CDH18: variants seen among roughly 807,000 people sequenced by gnomAD.
The protein encoded by CDH18 is cadherin 18, also known as cadherin-18.
A neutral mutation model predicts 67.9 loss-of-function variants in CDH18; 31 were observed. That is an observed-to-expected ratio of 0.46 (90% CI 0.34 to 0.62). The LOEUF (loss-of-function observed/expected upper bound fraction) is 0.62, where lower values mean the gene tolerates loss of function less well. Ranked by LOEUF, CDH18 falls within the 20% of genes least tolerant of loss-of-function variation. CDH18 has a pLI of 0.01. For synonymous variants in CDH18, 362 were observed against 347.2 expected, an observed-to-expected ratio of 1.04 and a Z score of -0.48; for missense variants, 890 against 975.5, an observed-to-expected ratio of 0.91 and a Z score of 1.17.
At chr5:19,699,452 A>C (rs181158594) in intron 5 of CDH18, among the ~76,000 whole-genome samples, 183 of 152,238 alleles carry the variant, frequency 1.2e-3, no homozygotes, top group African/African-American at 4.1e-3. Context: ...TTGTTTCCCC[A>C]AAAATTTTAT....
At position 20,490,942 on chromosome 5, in the gene CDH18, A is replaced by G. The variant is rs1753549430; in HGVS notation, c.-580+84520T>C. ...ATACAAAACATTAAATGATGGGGGTATCCTTAACATTTTAAGTCCATTTAA... is the reference window on the plus strand; with the variant it reads ...ATACAAAACATTAAATGATGGGGGTGTCCTTAACATTTTAAGTCCATTTAA... On this transcript the variant is annotated intron_variant, in intron 1 of 14. Coordinates refer to the CDH18 transcript ENST00000507958. 5.9e-5 allele frequency among the ~76,000 whole-genome samples: 9 copies of G among 152,264 alleles called. No homozygotes were observed. In the South Asian group the frequency reaches 1.9e-3, roughly 32 times the overall value.
intron 3 of CDH18, among the ~76,000 whole-genome samples, chr5:19,816,578 C>G (rs1457910104): frequency 6.6e-6 from 1 of 151,770 alleles, no homozygotes. Context: ...ACCTTCACCT[C>G]TAGAATATTT....
At chr5:19,903,541 G>GTGTATATATATATATATATATA (rs374931710) in intron 2 of CDH18, among the ~76,000 whole-genome samples, 17 of 124,762 alleles carry the variant, frequency 1.4e-4, no homozygotes, top group African/African-American at 3.4e-4. Flanking sequence ...GTGTGTGTGT[G>GTGTATATATATATATATATATA]TATATATATA....
intron 12 of CDH18, among the ~76,000 whole-genome samples, chr5:19,480,062 A>G (rs1739145560): frequency 6.6e-6 from 1 of 152,118 alleles, no homozygotes; most frequent in Admixed American, 6.5e-5. Flanking sequence ...TTAGTAAACA[A>G]AAATAGTTTT....
chr5:19,680,522 C>T (rs749848588), intron 5 of CDH18, among the ~76,000 whole-genome samples: 1 of 151,776 alleles, frequency 6.6e-6, no homozygotes, highest in African/African-American at 2.4e-5. Flanking sequence ...GCAAACTGTG[C>T]ATCTAATAAA....
chr5:19,581,546 T>TA (rs1743259386), intron 7 of CDH18, among the ~76,000 whole-genome samples: 1 of 151,994 alleles, frequency 6.6e-6, no homozygotes, highest in South Asian at 2.1e-4. Flanking sequence ...CAATTATTCT[T>TA]AGAGTTTAGA....
In CDH18 at chr5:19,801,021, G is replaced by A. The variant is rs1216384435; in HGVS notation, c.228+37738C>T. ...CAGTCCCAGCTACTCAGGAGGCTGAGGCAGGAGAATTGCCTCACTGCTTGA... is the reference window on the plus strand; with the variant it reads ...CAGTCCCAGCTACTCAGGAGGCTGAAGCAGGAGAATTGCCTCACTGCTTGA... On this transcript the variant is annotated intron_variant, in intron 3 of 12. Coordinates refer to ENST00000382275, the MANE Select transcript of CDH18 (RefSeq NM_004934.5). Among the ~76,000 whole-genome samples, 3 of 152,022 alleles carry A rather than the reference G, an allele frequency of 2.0e-5. No individual in the cohort carries two copies. The East Asian group carries it at 5.8e-4, about 29-fold the overall frequency.
chr5:20,184,391 C>A (rs1158347178), intron 2 of CDH18, among the ~76,000 whole-genome samples: 1 of 152,082 alleles, frequency 6.6e-6, no homozygotes, highest in Non-Finnish European at 1.5e-5. Context: ...CAATGCAGCT[C>A]TGAAAATCTC....
chr5:19,610,765 C>T (rs1215569292), intron 6 of CDH18, among the ~76,000 whole-genome samples: 1 of 152,018 alleles, frequency 6.6e-6, no homozygotes, highest in Non-Finnish European at 1.5e-5. Flanking sequence ...ACATTTACCT[C>T]ATGTATATGC....
chr5:19,497,380 A>G (rs1742521167), intron 11 of CDH18, among the ~76,000 whole-genome samples: 1 of 152,198 alleles, frequency 6.6e-6, no homozygotes, highest in Non-Finnish European at 1.5e-5. Flanking sequence ...TAAGCAGTTC[A>G]TTAGCTCCAT....
chr5:20,074,380 A>G (rs2150530043), intron 2 of CDH18, among the ~76,000 whole-genome samples: 1 of 152,272 alleles, frequency 6.6e-6, no homozygotes, highest in South Asian at 2.1e-4. Flanking sequence ...AAACTGATTT[A>G]GCTCACTATT....
chr5:20,143,336 T>C (rs143582064), intron 2 of CDH18, among the ~76,000 whole-genome samples: 43 of 152,240 alleles, frequency 2.8e-4, no homozygotes, highest in African/African-American at 1.0e-3. Flanking sequence ...AAAAGTGGCA[T>C]ATTTAGATGA....
intron 9 of CDH18, among the ~76,000 whole-genome samples, chr5:19,535,508 T>C (rs187975014): frequency 1.3e-5 from 2 of 152,280 alleles, no homozygotes; most frequent in African/African-American, 4.8e-5. Context: ...ATGCAGCTGC[T>C]AACCAAAAAT....
chr5:19,921,065 G>A (rs377468236), intron 2 of CDH18, among the ~76,000 whole-genome samples: 18 of 152,030 alleles, frequency 1.2e-4, no homozygotes, highest in African/African-American at 4.3e-4. Context: ...ACCATGATAT[G>A]AAAATAAATT....
chr5:20,363,443 C>T (rs62352795), intron 1 of CDH18, among the ~76,000 whole-genome samples: 62,006 of 147,154 alleles, frequency 0.42, 14,965 homozygotes, highest in Middle Eastern at 0.61. Context: ...TGAAACTGCA[C>T]CCAGCCTGGG....
At chr5:20,436,012 G>A (rs1749139215) in intron 1 of CDH18, among the ~76,000 whole-genome samples, 1 of 151,872 alleles carries the variant, frequency 6.6e-6, no homozygotes, top group Admixed American at 6.6e-5. Flanking sequence ...ATACATAGAA[G>A]CCATATGATC....
intron 2 of CDH18, among the ~76,000 whole-genome samples, chr5:20,151,861 C>T (rs1424021410): frequency 6.6e-6 from 1 of 151,704 alleles, no homozygotes; most frequent in African/African-American, 2.4e-5. Context: ...TATAATGTAT[C>T]ACATGAGTTC....
chr5:19,503,124 A>G lies in CDH18; in HGVS notation c.1513-15T>C, dbSNP rs1287603342. 4.7e-6 allele frequency: 6 copies of G among 1,275,692 alleles called. No individual in the cohort carries two copies. The highest frequency in any genetic ancestry group is 3.5e-5 in the Admixed American group (2 of 57,084). The allele number at this position is 1,275,692 out of a possible 1,614,324, so 79.0% of individuals were successfully genotyped here. ...GTATGAATAACCTAAAGAAAAGACA[A>G]ACTCTAAATCGTAAATTTAATTTTG... On this transcript the variant is annotated splice_polypyrimidine_tract_variant and intron_variant, in intron 10 of 12. Transcript: ENST00000382275.
chr5:19,561,810 C>A (rs1222511430), intron 8 of CDH18, among the ~76,000 whole-genome samples: 1 of 152,090 alleles, frequency 6.6e-6, no homozygotes, highest in African/African-American at 2.4e-5. Flanking sequence ...AAGATATGTT[C>A]ATCTATGAAA....
Sources: gnomAD v4.1 joint callset for allele counts (sites outside exome capture counted in the v4.1 genomes callset) on GRCh38, gnomAD v4.1.1 for gene constraint, MANE v1.5 for transcripts, NCBI Gene and HGNC (gene_info 2026-07-23, HGNC 2026-07-21) for gene names.